BAZ1B: variants seen among roughly 807,000 people sequenced by gnomAD.
BAZ1B encodes bromodomain adjacent to zinc finger domain 1B.
BAZ1B carries 22 observed loss-of-function variants against 153.8 expected under a neutral mutation model. The ratio of observed to expected loss-of-function variants is 0.14; its 90% CI spans 0.10 to 0.20. BAZ1B has a LOEUF of 0.20. BAZ1B is among the 10% of genes least tolerant of loss of function. The pLI, the probability that BAZ1B is intolerant of heterozygous loss-of-function variation, is 1.00. For missense variants in BAZ1B, 1,325 were observed against 1,799.3 expected (o/e 0.74, Z 4.77); for synonymous variants, 676 against 633.4 (o/e 1.07, Z -1.01).
intron 6 of BAZ1B, among the ~76,000 whole-genome samples, chr7:73,486,517 G>A (rs767809971): frequency 1.3e-5 from 2 of 151,980 alleles, no homozygotes; most frequent in Non-Finnish European, 2.9e-5. Context: ...TAGTAGAGAC[G>A]GGGTTTCACC....
In BAZ1B at chr7:73,462,979, T is replaced by C; in HGVS notation, c.3192A>G (p.Thr1064=). The C allele has an allele frequency of 1.2e-6, 2 of 1,614,090 alleles. No homozygotes were observed. Among genetic ancestry groups the C allele is most frequent in the Non-Finnish European group, 1.7e-6 (2 of 1,179,990 alleles). The change falls in exon 12 of 20, where the codon ACA becomes ACG. Residue 1064 remains threonine (T), a synonymous_variant. Transcript: ENST00000339594. ...FLRSDLIEVA[T]RLQKGGLGYV... ...ATCCAAGTCCTCCTTTTTGTAACCT[T>C]GTTGCAACTTCAATGAGATCACTAC...
chr7:73,441,810 G>A (rs756944761), intron 19 of BAZ1B, 117 bp from the exon 20 acceptor site: 3 of 241,118 alleles, frequency 1.2e-5, no homozygotes, highest in African/African-American at 2.3e-5. Flanking sequence ...TGATTACCCC[G>A]ATCCTGCTAT....
intron 1 of BAZ1B, among the ~76,000 whole-genome samples, chr7:73,518,085 C>T (rs1790883636): frequency 6.6e-6 from 1 of 152,012 alleles, no homozygotes; most frequent in African/African-American, 2.4e-5. Context: ...TCTAATATGG[C>T]ATAACGTATT....
chr7:73,473,237 G>A (rs539692957), intron 7 of BAZ1B, among the ~76,000 whole-genome samples: 7 of 152,194 alleles, frequency 4.6e-5, no homozygotes, highest in Non-Finnish European at 1.0e-4. Context: ...ACCGAGCCTG[G>A]CCTGTTCATA....
intron 5 of BAZ1B, among the ~76,000 whole-genome samples, chr7:73,489,649 T>C (rs1789558324): frequency 6.6e-6 from 1 of 152,108 alleles, no homozygotes; most frequent in Non-Finnish European, 1.5e-5. Flanking sequence ...ACCCTCTGTG[T>C]ACAAAAATCA....
intron 18 of BAZ1B, 77 bp downstream of exon 18, chr7:73,442,648 G>A (rs903250062): frequency 1.9e-6 from 3 of 1,552,838 alleles, no homozygotes; most frequent in South Asian, 2.4e-5. Context: ...TTGGCTGAGA[G>A]CCCCTCAGGG....
rs1240488611 is a variant in BAZ1B at position 73,504,981 on chromosome 7, T to C, written c.369+3346A>G. ...AAACCAGAGAGACAGGTGTGAATCT[T>C]GGCCCCATCAAGTACTGGCTATTGT... On this transcript the variant is annotated intron_variant, in intron 3 of 19. Coordinates refer to ENST00000339594, the MANE Select transcript of BAZ1B (RefSeq NM_032408.4). Among the ~76,000 whole-genome samples, 3 of 152,190 alleles carry C rather than the reference T, an allele frequency of 2.0e-5. No homozygotes were observed. In the East Asian group the frequency reaches 5.8e-4, roughly 29 times the overall value.
At chr7:73,489,492 T>C (rs1789548927) in intron 5 of BAZ1B, 101 bp from the exon 6 acceptor site, 2 of 1,219,890 alleles carry the variant, frequency 1.6e-6, no homozygotes, top group African/African-American at 3.0e-5. Context: ...CAAAATTCCA[T>C]CTATATCAAC....
rs539975462 is a variant in BAZ1B, at chr7:73,504,962, G to A, written c.369+3365C>T. Among the ~76,000 whole-genome samples the A allele has an allele frequency of 3.8e-4, 58 of 152,294 alleles. 2 individuals are homozygous for A. The South Asian group carries it at 0.012, about 32-fold the overall frequency. On this transcript the variant is annotated intron_variant, in intron 3 of 19. Transcript: ENST00000339594. ...AGAAAGAACAAGAACTTTGAAACCA[G>A]AGAGACAGGTGTGAATCTTGGCCCC...
chr7:73,464,943 A>G (rs1395530380), intron 11 of BAZ1B, among the ~76,000 whole-genome samples: 1 of 151,554 alleles, frequency 6.6e-6, no homozygotes, highest in Non-Finnish European at 1.5e-5. Flanking sequence ...TATGTTGCCC[A>G]GGCTGGTCTC....
At chr7:73,473,743 T>C (rs916806845) in intron 7 of BAZ1B, among the ~76,000 whole-genome samples, 6 of 152,192 alleles carry the variant, frequency 3.9e-5, no homozygotes, top group African/African-American at 1.2e-4. Context: ...ATCCCAGCAC[T>C]TTAGGAGGCT....
In BAZ1B at chr7:73,450,913, G is replaced by C; in HGVS notation, c.3514C>G (p.Leu1172Val). 6.2e-7 allele frequency: 1 copy of C among 1,614,130 alleles called. No homozygotes were observed. Among genetic ancestry groups the C allele is most frequent in the Non-Finnish European group, 8.5e-7 (1 of 1,180,044 alleles). Residue 1172 changes from leucine to valine, a missense_variant, in exon 14 of 20, where the codon CTT becomes GTT. By Grantham distance (32) the Leu-to-Val change is conservative. Transcript: ENST00000339594. This position sits in a 1 kb window ranked among gnomAD's most constrained non-coding sequence, Gnocchi z 4.1. Reference protein sequence around the residue: ...FSRMHVLLGMLDACIKWDMSA... With the variant: ...FSRMHVLLGMVDACIKWDMSA... ...ATATCCCACTTGATACAGGCATCAA[G>C]CATCCCAAGCAGCACGTGCATCCTG... is the stretch of plus-strand genomic sequence containing the variant.
In BAZ1B at chr7:73,450,040, T is replaced by TTC. The variant is rs779250232; in HGVS notation, c.3581-353_3581-352dup. Among the ~76,000 whole-genome samples the TTC allele has an allele frequency of 2.0e-5, 3 of 151,584 alleles. No individual in the cohort carries two copies. The highest frequency in any genetic ancestry group is 6.6e-5 in the Admixed American group (1 of 15,198). ...TTTCTCAACTTATGCCTGATGAGTG[T>TTC]TCTCTCTCTCTCTTTTTTTTTTTTG... On this transcript the variant is annotated intron_variant, in intron 14 of 19. Coordinates refer to ENST00000339594, the MANE Select transcript of BAZ1B (RefSeq NM_032408.4). The surrounding 1 kb of genome is among the most constrained non-coding windows in gnomAD (Gnocchi z 4.1).
At chr7:73,487,620 A>ATT (rs1373280310) in intron 6 of BAZ1B, among the ~76,000 whole-genome samples, 1 of 152,214 alleles carries the variant, frequency 6.6e-6, no homozygotes, top group Non-Finnish European at 1.5e-5. Flanking sequence ...TCTAAAACCC[A>ATT]TTTAGAGATG....
chr7:73,458,561 A>T (rs1788280423), intron 13 of BAZ1B, among the ~76,000 whole-genome samples: 2 of 151,690 alleles, frequency 1.3e-5, no homozygotes, highest in African/African-American at 4.8e-5. Flanking sequence ...CTGCAATTCC[A>T]GCTACTTGGG....
intron 5 of BAZ1B, among the ~76,000 whole-genome samples, chr7:73,490,267 G>T (rs1789582572): frequency 6.6e-6 from 1 of 151,940 alleles, no homozygotes; most frequent in Admixed American, 6.6e-5. Flanking sequence ...TGTTTTGGAA[G>T]AAAATTTAAT....
intron 3 of BAZ1B, among the ~76,000 whole-genome samples, chr7:73,502,369 T>C (rs1554577270): frequency 6.6e-6 from 1 of 151,850 alleles, no homozygotes; most frequent in South Asian, 2.1e-4. Flanking sequence ...TTTTTTTTTA[T>C]CACACTTAGA....
intron 6 of BAZ1B, among the ~76,000 whole-genome samples, chr7:73,485,186 A>T (rs113455367): frequency 2.0e-5 from 3 of 152,160 alleles, no homozygotes; most frequent in Admixed American, 6.5e-5. Flanking sequence ...CTCCCACCTC[A>T]GCCTCCCAAA....
chr7:73,474,844 A>G (rs537914135), intron 7 of BAZ1B, among the ~76,000 whole-genome samples: 1 of 152,354 alleles, frequency 6.6e-6, no homozygotes, highest in South Asian at 2.1e-4. Flanking sequence ...TATCAGACAG[A>G]GAATTGTATC....
Sources: allele counts gnomAD v4.1 joint callset (sites outside exome capture counted in the v4.1 genomes callset), GRCh38; gene constraint gnomAD v4.1.1; non-coding constraint Gnocchi (gnomAD v3.1); transcripts MANE v1.5; gene names NCBI Gene and HGNC (gene_info 2026-07-23, HGNC 2026-07-21).